CNTNAP1: variants seen among roughly 807,000 people sequenced by gnomAD.
CNTNAP1 encodes the protein contactin-associated protein 1.
In CNTNAP1, 80 loss-of-function variants were observed where a neutral mutation model predicts 161.5. That is an observed-to-expected ratio of 0.50 (90% CI 0.41 to 0.60). CNTNAP1 has a LOEUF of 0.60. Ranked by LOEUF, CNTNAP1 falls within the 20% of genes least tolerant of loss-of-function variation. CNTNAP1 has a pLI of 0.00. For synonymous variants in CNTNAP1, 695 were observed against 733.1 expected, an observed-to-expected ratio of 0.95 and a Z score of 0.84; for missense variants, 1,464 against 1,854.8, an observed-to-expected ratio of 0.79 and a Z score of 3.87.
chr17:42,698,565 GTGTA>G (rs1597813644), intron 23 of CNTNAP1, 49 bp from the exon 24 acceptor site: 44 of 1,341,636 alleles, frequency 3.3e-5, no homozygotes, highest in Admixed American at 1.5e-4. Flanking sequence ...GTGTGTGTGT[GTGTA>G]TACAGGTGAG....
At position 42,691,997 on chromosome 17, in the gene CNTNAP1, C is replaced by T; in HGVS notation, c.2530+6C>T. On this transcript the variant is annotated splice_donor_region_variant and intron_variant, in intron 16 of 23. Coordinates refer to ENST00000264638, the MANE Select transcript of CNTNAP1 (RefSeq NM_003632.3). The surrounding 1 kb of genome is among the most constrained non-coding windows in gnomAD (Gnocchi z 4.3). ...TGTGCGGGTGGAACTCAACAGTGAG[C>T]AGGCAGACTGTGGGAGGGCCTCGGG... 6.2e-7 allele frequency: 1 copy of T among 1,612,266 alleles called. No homozygotes were observed. The highest frequency in any genetic ancestry group is 8.5e-7 in the Non-Finnish European group (1 of 1,178,514).
chr17:42,686,478 T>TTTTTTTTG (rs2053014547), intron 6 of CNTNAP1, among the ~76,000 whole-genome samples: 1 of 134,082 alleles, frequency 7.5e-6, no homozygotes, highest in Non-Finnish European at 1.5e-5. Context: ...TGTTTTTTTT[T>TTTTTTTTG]TTTTTTTTTT....
In CNTNAP1 at chr17:42,687,571, G is replaced by A; in HGVS notation, c.1045-149G>A. On this transcript the variant is annotated intron_variant, in intron 7 of 23. Transcript: ENST00000264638. This position sits in a 1 kb window ranked among gnomAD's most constrained non-coding sequence, Gnocchi z 4.7. The stretch of plus-strand genomic sequence containing the variant: ...CTCCACAGATGGACGAGCTTGGAGG[G>A]GAAGAGGTCACGTCATGGTTGGAGA... 9.5e-7 allele frequency: 1 copy of A among 1,052,028 alleles called. No individual in the cohort carries two copies. The highest frequency in any genetic ancestry group is 1.4e-6 in the Non-Finnish European group (1 of 719,734). 65.2% of individuals were successfully genotyped at this position (1,052,028 alleles called of 1,614,324 possible).
Position 42,690,755 on chromosome 17 carries a change from A to G in CNTNAP1, c.1872A>G (p.Thr624=). The change falls in exon 13 of 24, where the codon ACA becomes ACG. Residue 624 remains threonine (T), a synonymous_variant. Transcript: ENST00000264638. ...GTCTGCCAGAGAACCGAGCGTGGAC[A>G]GTTGTGCGGCATGACAGGCTGTGGA... is the stretch of plus-strand genomic sequence containing the variant. The part of the protein sequence containing the change: ...YCDIRENRAW[T]VVRHDRLWTT... The G allele has an allele frequency of 5.0e-6, 8 of 1,614,130 alleles. No individual in the cohort carries two copies. The highest frequency in any genetic ancestry group is 6.8e-6 in the Non-Finnish European group (8 of 1,180,006).
chr17:42,693,843 A>G (rs527859769), intron 18 of CNTNAP1, among the ~76,000 whole-genome samples: 1 of 152,234 alleles, frequency 6.6e-6, no homozygotes, highest in African/African-American at 2.4e-5. Flanking sequence ...GCAACATGGC[A>G]AGACCCTGTC....
Position 42,687,668 on chromosome 17 carries a change from C to A in CNTNAP1, c.1045-52C>A. On this transcript the variant is annotated intron_variant, in intron 7 of 23. Transcript: ENST00000264638. This position sits in a 1 kb window ranked among gnomAD's most constrained non-coding sequence, Gnocchi z 4.7. Reference sequence around the variant, plus strand: ...ACCGGTGTGAAAACTGAATTCCCAGCTGAGGCAGAGGCGGCTCACGGGTGT... The same window carrying A: ...ACCGGTGTGAAAACTGAATTCCCAGATGAGGCAGAGGCGGCTCACGGGTGT... 6.3e-7 allele frequency: 1 copy of A among 1,590,254 alleles called. No individual in the cohort carries two copies. Among genetic ancestry groups the A allele is most frequent in the Non-Finnish European group, 8.6e-7 (1 of 1,166,670 alleles).
In CNTNAP1 at chr17:42,686,837, G is replaced by A. The variant is rs1334745418; in HGVS notation, c.901-66G>A. Reference sequence around the variant, plus strand: ...CTGGCATTTGGGAAAGCATACGGCGGGGACGCGCGAGAAAGGCAGGCGCCC... The same window carrying A: ...CTGGCATTTGGGAAAGCATACGGCGAGGACGCGCGAGAAAGGCAGGCGCCC... On this transcript the variant is annotated intron_variant, in intron 6 of 23. Coordinates refer to ENST00000264638, the MANE Select transcript of CNTNAP1 (RefSeq NM_003632.3). The A allele has an allele frequency of 5.9e-6, 9 of 1,515,382 alleles. No individual in the cohort carries two copies. The African/African-American group carries it at 1.1e-4, about 19-fold the overall frequency. 93.9% of individuals were successfully genotyped at this position (1,515,382 alleles called of 1,614,324 possible).
At chr17:42,690,457 G>A (rs2053070273) in intron 12 of CNTNAP1, among the ~76,000 whole-genome samples, 1 of 150,840 alleles carries the variant, frequency 6.6e-6, no homozygotes, top group African/African-American at 2.4e-5. Context: ...CTGGGAGGTG[G>A]AGGTTGCAGT....
chr17:42,685,478 T>C lies in CNTNAP1; in HGVS notation c.715+58T>C, dbSNP rs2052994576. ...AACCCCTGAAGCTCTCTCACCGCCC[T>C]CCTCGTGGCACCTCCTCCGCGCATC... is the stretch of plus-strand genomic sequence containing the variant. On this transcript the variant is annotated intron_variant, in intron 5 of 23. Coordinates refer to ENST00000264638, the MANE Select transcript of CNTNAP1 (RefSeq NM_003632.3). The surrounding 1 kb of genome is among the most constrained non-coding windows in gnomAD (Gnocchi z 5.0). The C allele has an allele frequency of 6.6e-7, 1 of 1,507,834 alleles. No homozygotes were observed. Among genetic ancestry groups the C allele is most frequent in the Non-Finnish European group, 9.0e-7 (1 of 1,114,558 alleles). 93.4% of individuals were successfully genotyped at this position (1,507,834 alleles called of 1,614,324 possible). A position where few individuals can be genotyped will look rare whatever the true frequency, so the allele number is the denominator to read the frequency against.
rs780961124 is a variant in CNTNAP1, at chr17:42,685,119, C to T, written c.492C>T (p.Gly164=). 5.0e-6 allele frequency: 8 copies of T among 1,585,428 alleles called. No individual in the cohort carries two copies. The South Asian group carries it at 9.2e-5, about 18-fold the overall frequency. Residue 164 remains glycine, a synonymous_variant, in exon 4 of 24, where the codon GGC becomes GGT. Coordinates refer to ENST00000264638, the MANE Select transcript of CNTNAP1 (RefSeq NM_003632.3). This position sits in a 1 kb window ranked among gnomAD's most constrained non-coding sequence, Gnocchi z 5.0. The part of the protein sequence containing the change: ...NPRGKIGLRL[G]LYGCPYKADI... Reference sequence around the variant, plus strand: ...GCGGCAAGATCGGCCTGAGGCTCGGCCTCTATGGCTGCCCATACAGTAAGT... The same window carrying T: ...GCGGCAAGATCGGCCTGAGGCTCGGTCTCTATGGCTGCCCATACAGTAAGT...
chr17:42,693,395 G>GC lies in CNTNAP1; in HGVS notation c.2851_2852insC (p.Glu951AlafsTer29). 6.2e-7 allele frequency: 1 copy of GC among 1,614,242 alleles called. No individual in the cohort carries two copies. The highest frequency in any genetic ancestry group is 8.5e-7 in the Non-Finnish European group (1 of 1,180,040). The stretch of plus-strand genomic sequence containing the variant: ...CCTGGAGGGCCGTGCCAATGCCTCT[G>GC]AGGGTACCTCACCCAACTGCACAGG... On this transcript the variant is annotated frameshift_variant, in exon 18 of 24. Transcript: ENST00000264638. LOFTEE classifies it high-confidence loss of function.
rs2053141798 is a variant in CNTNAP1, at chr17:42,695,629, G to A, written c.3101G>A (p.Gly1034Asp). Reference protein sequence around the residue: ...FSHMLSRPVPGYEPGYIPGYD... With the variant: ...FSHMLSRPVPDYEPGYIPGYD... ...CACATGCTGAGCCGGCCAGTGCCAGGCTATGAGCCTGGCTACATCCCGGGC... is the reference window on the plus strand; with the variant it reads ...CACATGCTGAGCCGGCCAGTGCCAGACTATGAGCCTGGCTACATCCCGGGC... The change falls in exon 19 of 24, where the codon GGC (glycine) becomes GAC (aspartate). Residue 1034 changes from glycine (G) to aspartate (D), a missense_variant. Coordinates refer to ENST00000264638, the MANE Select transcript of CNTNAP1 (RefSeq NM_003632.3). The A allele has an allele frequency of 6.2e-7, 1 of 1,614,176 alleles. No individual in the cohort carries two copies. Among genetic ancestry groups the A allele is most frequent in the East Asian group, 2.2e-5 (1 of 44,884 alleles).
chr17:42,692,893 C>T (rs941383264), intron 17 of CNTNAP1, among the ~76,000 whole-genome samples, 173 bp downstream of exon 17: 1 of 152,206 alleles, frequency 6.6e-6, no homozygotes, highest in Non-Finnish European at 1.5e-5. Flanking sequence ...ATTCTTCCAG[C>T]CCTCTTGGCT....
rs143790746 is a variant in CNTNAP1, at chr17:42,691,459, C to T, written c.2292C>T (p.Arg764=). ...VTQVVIGDTN[R]STSEAQFFLR... ...AGGTAGTGATAGGGGATACGAACCG[C>T]TCCACTTCTGAGGCCCAGTTCTTCC... Residue 764 remains arginine, a synonymous_variant, in exon 15 of 24, where the codon CGC becomes CGT. Transcript: ENST00000264638. This position sits in a 1 kb window ranked among gnomAD's most constrained non-coding sequence, Gnocchi z 4.3. 6.2e-6 allele frequency: 10 copies of T among 1,614,114 alleles called. No individual in the cohort carries two copies. The East Asian group carries it at 2.2e-4, about 36-fold the overall frequency.
intron 10 of CNTNAP1, 24 bp from the exon 11 acceptor site, chr17:42,689,497 C>T: frequency 1.9e-6 from 3 of 1,591,558 alleles, no homozygotes; most frequent in Non-Finnish European, 2.6e-6. Flanking sequence ...AGGCTCCTTC[C>T]CTTGGTCCTG....
At chr17:42,684,280 G>T in intron 3 of CNTNAP1, 51 bp downstream of exon 3, 1 of 1,547,346 alleles carries the variant, frequency 6.5e-7, no homozygotes, top group Non-Finnish European at 8.8e-7. Flanking sequence ...TCTGCTCCAG[G>T]CTCTGGGCCG....
chr17:42,690,166 G>A lies in CNTNAP1; in HGVS notation c.1814G>A (p.Ser605Asn), dbSNP rs1416075211. ...AACTTCACCATTGATCCTGATGGCA[G>A]TGGCCCCCTGAAGCCATTTGTAGTG... is the stretch of plus-strand genomic sequence containing the variant. ...SGNFTIDPDG[S>N]GPLKPFVVYC... is the part of the protein sequence containing the mutation. The change falls in exon 12 of 24, where the codon AGT becomes AAT. Residue 605 changes from serine to asparagine, a missense_variant. This residue lies in a region of CNTNAP1 where 1,383 missense variants were observed against 1,765.0 expected (regional missense o/e 0.78). Coordinates refer to ENST00000264638, the MANE Select transcript of CNTNAP1 (RefSeq NM_003632.3). 6.2e-7 allele frequency: 1 copy of A among 1,614,136 alleles called. No homozygotes were observed. Among genetic ancestry groups the A allele is most frequent in the Non-Finnish European group, 8.5e-7 (1 of 1,179,996 alleles).
chr17:42,691,668 C>G lies in CNTNAP1; in HGVS notation c.2345-138C>G, dbSNP rs534996010. On this transcript the variant is annotated intron_variant, in intron 15 of 23. Transcript: ENST00000264638. The surrounding 1 kb of genome is among the most constrained non-coding windows in gnomAD (Gnocchi z 4.3). ...ACCCCTCTGCACCTGGCTCCTCTTT[C>G]ATTCCACTCCTTAGTCTCCCCTCCG... 7.4e-7 allele frequency: 1 copy of G among 1,354,196 alleles called. No individual in the cohort carries two copies. The highest frequency in any genetic ancestry group is 1.3e-5 in the South Asian group (1 of 75,960). 83.9% of individuals were successfully genotyped at this position (1,354,196 alleles called of 1,614,324 possible). A position where few individuals can be genotyped will look rare whatever the true frequency, so the allele number is the denominator to read the frequency against.
At position 42,690,848 on chromosome 17, in the gene CNTNAP1, C is replaced by T; in HGVS notation, c.1965C>T (p.Ser655=). The stretch of plus-strand genomic sequence containing the variant: ...GGGCTATCCAGTACTGGAATGCATC[C>T]TGGGAGGAAGTCAGTGCCCTTGCCA... ...FLGAIQYWNA[S]WEEVSALANA... The change falls in exon 13 of 24, where the codon TCC becomes TCT. Residue 655 remains serine (S), a synonymous_variant. Coordinates refer to ENST00000264638, the MANE Select transcript of CNTNAP1 (RefSeq NM_003632.3). 6.2e-7 allele frequency: 1 copy of T among 1,614,230 alleles called. No homozygotes were observed. Among genetic ancestry groups the T allele is most frequent in the Non-Finnish European group, 8.5e-7 (1 of 1,180,036 alleles).
Sources: allele counts gnomAD v4.1 joint callset (sites outside exome capture counted in the v4.1 genomes callset), GRCh38; gene constraint gnomAD v4.1.1; regional missense constraint gnomAD v4.1.1; non-coding constraint Gnocchi (gnomAD v3.1); transcripts MANE v1.5; gene names NCBI Gene and HGNC (gene_info 2026-07-23, HGNC 2026-07-21).